The following INTS9 variants were observed in gnomAD, a reference collection of about 807,000 sequenced individuals.
INTS9 encodes integrator complex subunit 9.
In INTS9, 55 loss-of-function variants were observed where a neutral mutation model predicts 79.7. The observed-to-expected ratio is 0.69, with a 90% CI of 0.56 to 0.86. INTS9 has a LOEUF of 0.86. INTS9 is among the 40% of genes least tolerant of loss of function. The probability of loss-of-function intolerance (pLI) is 0.00; values close to 1 mark genes in which losing one functional copy is unlikely to be tolerated. For synonymous variants in INTS9, 319 were observed against 325.2 expected, an observed-to-expected ratio of 0.98 and a Z score of 0.20; for missense variants, 721 against 831.5, an observed-to-expected ratio of 0.87 and a Z score of 1.64.
chr8:28,882,469 A>T (rs1362953527), intron 1 of INTS9, among the ~76,000 whole-genome samples: 1 of 147,000 alleles, frequency 6.8e-6, no homozygotes, highest in African/African-American at 2.5e-5. Context: ...AAAAAAAAAA[A>T]AAATAGAAAT....
At chr8:28,862,328 T>C in intron 1 of INTS9, 2 of 626,068 alleles carry the variant, frequency 3.2e-6, no homozygotes, top group Non-Finnish European at 4.0e-6. Flanking sequence ...GTAATTTTAG[T>C]ATTCACACTG....
intron 8 of INTS9, among the ~76,000 whole-genome samples, chr8:28,797,908 C>T (rs770954841): frequency 9.2e-5 from 14 of 152,150 alleles, no homozygotes; most frequent in South Asian, 2.1e-4. Flanking sequence ...TTGTGGTCTC[C>T]GAGTAGCTGT....
intron 8 of INTS9, among the ~76,000 whole-genome samples, chr8:28,803,571 C>A (rs1804639818): frequency 6.6e-6 from 1 of 152,016 alleles, no homozygotes; most frequent in African/African-American, 2.4e-5. Flanking sequence ...TTTAAATGTC[C>A]AACAGTGGAA....
chr8:28,774,135 G>GTACT (rs1284182305), intron 14 of INTS9, among the ~76,000 whole-genome samples: 3 of 152,160 alleles, frequency 2.0e-5, no homozygotes, highest in African/African-American at 7.2e-5. Context: ...ATGATATAAT[G>GTACT]TACTTACTGA....
At chr8:28,819,385 T>C (rs1407846547) in intron 6 of INTS9, among the ~76,000 whole-genome samples, 8 of 152,214 alleles carry the variant, frequency 5.3e-5, no homozygotes, top group Admixed American at 5.2e-4. Context: ...AGAACATCTT[T>C]ATTTCTGCCT....
intron 10 of INTS9, among the ~76,000 whole-genome samples, chr8:28,791,537 C>T (rs540277572): frequency 1.3e-5 from 2 of 152,326 alleles, no homozygotes; most frequent in African/African-American, 2.4e-5. Flanking sequence ...TCTTCAGGAG[C>T]ACCTCCTTCC....
chr8:28,793,757 G>T, intron 10 of INTS9, 50 bp downstream of exon 10: 1 of 1,385,080 alleles, frequency 7.2e-7, no homozygotes, highest in Non-Finnish European at 9.8e-7. Flanking sequence ...CTGCTTGAAT[G>T]TCCTGAATCA....
At chr8:28,829,010 A>C (rs1275697041) in intron 6 of INTS9, among the ~76,000 whole-genome samples, 13 of 152,210 alleles carry the variant, frequency 8.5e-5, no homozygotes. Flanking sequence ...TCCGTAAGGT[A>C]TGAAGCCACA....
chr8:28,796,664 G>C lies in INTS9; in HGVS notation c.745-9C>G. On this transcript the variant is annotated splice_polypyrimidine_tract_variant and intron_variant, in intron 8 of 16. Transcript: ENST00000521022. Reference sequence around the variant, plus strand: ...GAAGCTTGGTCCATGGGCTGAAAAAGAACACAGAAATATGGTTAGTAATTT... The same window carrying C: ...GAAGCTTGGTCCATGGGCTGAAAAACAACACAGAAATATGGTTAGTAATTT... The C allele has an allele frequency of 1.3e-6, 2 of 1,549,322 alleles. No homozygotes were observed. Among genetic ancestry groups the C allele is most frequent in the South Asian group, 2.2e-5 (2 of 89,606 alleles).
chr8:28,822,871 C>A (rs1276074293), intron 6 of INTS9, among the ~76,000 whole-genome samples: 2 of 152,036 alleles, frequency 1.3e-5, no homozygotes, highest in Non-Finnish European at 2.9e-5. Flanking sequence ...CCACACACTT[C>A]CCACACACTC....
At chr8:28,819,982 T>G (rs978492429) in intron 6 of INTS9, among the ~76,000 whole-genome samples, 68 of 152,318 alleles carry the variant, frequency 4.5e-4, no homozygotes, top group African/African-American at 1.6e-3. Flanking sequence ...AACCCCTGCC[T>G]TTTTTTGTTT....
chr8:28,809,838 TC>T (rs1313193175), intron 8 of INTS9, among the ~76,000 whole-genome samples: 1 of 151,962 alleles, frequency 6.6e-6, no homozygotes, highest in Non-Finnish European at 1.5e-5. Context: ...AATAGCAACG[TC>T]CCCTCTAGAC....
chr8:28,808,271 G>A (rs1804924193), intron 8 of INTS9, among the ~76,000 whole-genome samples: 1 of 149,736 alleles, frequency 6.7e-6, no homozygotes, highest in Admixed American at 6.7e-5. Flanking sequence ...TCGGCTCACT[G>A]CAACCTCCAC....
rs1182506343 is a variant in INTS9 at position 28,773,483 on chromosome 8, CT to C, written c.1563+2275del. Among the ~76,000 whole-genome samples, 8 of 142,318 alleles carry C rather than the reference CT, an allele frequency of 5.6e-5. No individual in the cohort carries two copies. In the East Asian group the frequency reaches 1.3e-3, roughly 23 times the overall value. 93.4% of individuals were successfully genotyped at this position (142,318 alleles called of 152,430 possible). A position where few individuals can be genotyped will look rare whatever the true frequency, so the allele number is the denominator to read the frequency against. On this transcript the variant is annotated intron_variant, in intron 14 of 16. Transcript: ENST00000521022. Reference sequence around the variant, plus strand: ...CGTCTCAAAAAAAAAAAAAAAAAATCTATGAAAAAAGGAACTGTTAAATTAT... The same window carrying C: ...CGTCTCAAAAAAAAAAAAAAAAAATCATGAAAAAAGGAACTGTTAAATTAT...
intron 6 of INTS9, among the ~76,000 whole-genome samples, chr8:28,826,318 G>GA (rs1384732117): frequency 1.3e-5 from 2 of 151,806 alleles, no homozygotes; most frequent in Non-Finnish European, 2.9e-5. Context: ...GCTATCCCAG[G>GA]AAAAAAAAGA....
chr8:28,849,052 A>G (rs1807685547), intron 3 of INTS9, among the ~76,000 whole-genome samples: 2 of 152,234 alleles, frequency 1.3e-5, no homozygotes, highest in Admixed American at 1.3e-4. Context: ...GCTAGGGTGC[A>G]GTTACAGGAA....
chr8:28,790,881 G>A (rs190645315), intron 10 of INTS9, among the ~76,000 whole-genome samples: 83 of 152,268 alleles, frequency 5.5e-4, no homozygotes, highest in Admixed American at 1.3e-3. Flanking sequence ...AGTTTCACCT[G>A]CACATCCCCT....
intron 1 of INTS9, among the ~76,000 whole-genome samples, chr8:28,883,160 A>G (rs1585539512): frequency 6.6e-6 from 1 of 151,962 alleles, no homozygotes; most frequent in Non-Finnish European, 1.5e-5. Flanking sequence ...ATCTACCCAC[A>G]CTTCCCCAGC....
intron 6 of INTS9, among the ~76,000 whole-genome samples, chr8:28,819,727 T>C (rs2131091966): frequency 6.6e-6 from 1 of 152,324 alleles, no homozygotes; most frequent in East Asian, 1.9e-4. Context: ...TCTGTCTCGT[T>C]GATCTGTCTA....
Sources: gnomAD v4.1 joint callset for allele counts (sites outside exome capture counted in the v4.1 genomes callset) on GRCh38, gnomAD v4.1.1 for gene constraint, MANE v1.5 for transcripts, NCBI Gene and HGNC (gene_info 2026-07-23, HGNC 2026-07-21) for gene names.